Variants in ZDHHC14 observed in about 807,000 individuals in gnomAD.
ZDHHC14 encodes the protein palmitoyltransferase ZDHHC14.
Under a neutral mutation model 47.7 loss-of-function variants are expected in ZDHHC14, and 16 were observed. The ratio of observed to expected loss-of-function variants is 0.34; its 90% confidence interval spans 0.23 to 0.51. ZDHHC14 has a LOEUF of 0.51. Ranked by LOEUF, ZDHHC14 falls within the 20% of genes least tolerant of loss-of-function variation. The pLI is 0.97. For missense variants in ZDHHC14, 515 were observed against 662.5 expected (o/e 0.78, Z 2.44); for synonymous variants, 293 against 278.9 (o/e 1.05, Z -0.50).
At chr6:157,604,853 G>T (rs546669943) in intron 3 of ZDHHC14, among the ~76,000 whole-genome samples, 1 of 152,314 alleles carries the variant, frequency 6.6e-6, no homozygotes, top group South Asian at 2.1e-4. Context: ...CCTACACAGT[G>T]CCTTGCTAGG....
At chr6:157,503,389 C>T (rs1780232361) in intron 1 of ZDHHC14, among the ~76,000 whole-genome samples, 1 of 152,190 alleles carries the variant, frequency 6.6e-6, no homozygotes, top group African/African-American at 2.4e-5. Context: ...TGTCTTTAGA[C>T]AGATTTGGCT....
intron 2 of ZDHHC14, among the ~76,000 whole-genome samples, chr6:157,553,766 G>T (rs1450094543): frequency 6.6e-6 from 1 of 152,144 alleles, no homozygotes; most frequent in Non-Finnish European, 1.5e-5. Flanking sequence ...TGGTAGATAA[G>T]TTCTGAGATT....
intron 2 of ZDHHC14, among the ~76,000 whole-genome samples, chr6:157,562,030 A>G (rs376882924): frequency 1.3e-5 from 2 of 152,162 alleles, no homozygotes; most frequent in Non-Finnish European, 2.9e-5. Context: ...TGTTTATAAC[A>G]TATAAACAAA....
At chr6:157,547,908 A>G (rs1228164623) in intron 2 of ZDHHC14, among the ~76,000 whole-genome samples, 1 of 150,762 alleles carries the variant, frequency 6.6e-6, no homozygotes, top group Non-Finnish European at 1.5e-5. Flanking sequence ...GGCAGTATTA[A>G]TTTCATTTTC....
intron 1 of ZDHHC14, among the ~76,000 whole-genome samples, chr6:157,506,056 G>A (rs770937226): frequency 3.3e-5 from 5 of 152,204 alleles, no homozygotes; most frequent in African/African-American, 7.2e-5. Flanking sequence ...CTGATCATCC[G>A]TGGGAAAACA....
chr6:157,430,553 A>T (rs1778318866), intron 1 of ZDHHC14, among the ~76,000 whole-genome samples: 2 of 152,074 alleles, frequency 1.3e-5, no homozygotes, highest in Admixed American at 6.5e-5. Flanking sequence ...GGTCCTTCTC[A>T]CACTGCCATC....
At chr6:157,595,939 TG>T (rs1784110773) in intron 3 of ZDHHC14, among the ~76,000 whole-genome samples, 1 of 152,096 alleles carries the variant, frequency 6.6e-6, no homozygotes, top group African/African-American at 2.4e-5. Flanking sequence ...TGGGGAAGTT[TG>T]GGGCAGGATC....
chr6:157,614,912 A>G (rs1465437173), intron 3 of ZDHHC14, among the ~76,000 whole-genome samples: 3 of 151,998 alleles, frequency 2.0e-5, no homozygotes, highest in East Asian at 3.9e-4. Flanking sequence ...CTGGGATTAC[A>G]GGTGCCCGCC....
intron 1 of ZDHHC14, among the ~76,000 whole-genome samples, chr6:157,385,176 C>A (rs1175580935): frequency 2.0e-5 from 3 of 151,958 alleles, no homozygotes; most frequent in Non-Finnish European, 4.4e-5. Flanking sequence ...GTAGCCTTGA[C>A]CGCCGAGGCT....
intron 2 of ZDHHC14, among the ~76,000 whole-genome samples, chr6:157,545,402 C>T (rs991148200): frequency 1.3e-4 from 20 of 151,290 alleles, no homozygotes; most frequent in Admixed American, 5.9e-4. Context: ...GGAGGCCGGG[C>T]GCAGTGGCTC....
intron 1 of ZDHHC14, among the ~76,000 whole-genome samples, chr6:157,440,103 C>A (rs1280216238): frequency 1.3e-5 from 2 of 151,988 alleles, no homozygotes. Flanking sequence ...AGCAAATCAT[C>A]ATGGCACACG....
At chr6:157,589,516 C>A (rs1277166276) in intron 2 of ZDHHC14, among the ~76,000 whole-genome samples, 1 of 152,126 alleles carries the variant, frequency 6.6e-6, no homozygotes, top group Non-Finnish European at 1.5e-5. Flanking sequence ...GGGGTGGTTA[C>A]CTCCATGCTA....
chr6:157,667,686 G>A (rs546858875), intron 8 of ZDHHC14, among the ~76,000 whole-genome samples: 63 of 152,100 alleles, frequency 4.1e-4, no homozygotes, highest in Non-Finnish European at 7.2e-4. Context: ...GAAAATACTG[G>A]CCATTTTCCC....
At chr6:157,589,931 G>A (rs1366665793) in intron 2 of ZDHHC14, among the ~76,000 whole-genome samples, 1 of 152,226 alleles carries the variant, frequency 6.6e-6, no homozygotes, top group East Asian at 1.9e-4. Flanking sequence ...AATGCTGATA[G>A]TGATGTGTAC....
chr6:157,672,659 CTGTCCCT>C, intron 8 of ZDHHC14, 58 bp from the exon 9 acceptor site: 2 of 1,342,364 alleles, frequency 1.5e-6, no homozygotes, highest in Non-Finnish European at 1.0e-6. Context: ...GTCCCCATCC[CTGTCCCT>C]CCCCACCTCT....
At chr6:157,556,560 C>T (rs1782472305) in intron 2 of ZDHHC14, among the ~76,000 whole-genome samples, 1 of 152,242 alleles carries the variant, frequency 6.6e-6, no homozygotes, top group South Asian at 2.1e-4. Context: ...CTGTCGCCAG[C>T]AGGCGGAACG....
chr6:157,416,981 T>G (rs866178212), intron 1 of ZDHHC14, among the ~76,000 whole-genome samples: 26 of 107,700 alleles, frequency 2.4e-4, no homozygotes, highest in African/African-American at 8.0e-4. Context: ...AGTTTTTTTT[T>G]TTTTTTTTTT....
chr6:157,473,712 C>G (rs996043492), intron 1 of ZDHHC14, among the ~76,000 whole-genome samples: 3 of 152,130 alleles, frequency 2.0e-5, no homozygotes, highest in Admixed American at 2.0e-4. Context: ...AAATTTCACA[C>G]GTAACCTCAT....
Position 157,634,794 on chromosome 6 carries a change from C to T in ZDHHC14, c.752+1912C>T, listed in dbSNP as rs151106080. Among the ~76,000 whole-genome samples the T allele has an allele frequency of 3.3e-3, 496 of 152,356 alleles. 3 individuals carry two copies. Among genetic ancestry groups the T allele is most frequent in the African/African-American group, 0.011 (452 of 41,578 alleles). ...TGGTGCATGTTTCAGACACAAATAT[C>T]CAACACAGGAGTGCCTCTCGGCTGG... On this transcript the variant is annotated intron_variant, in intron 5 of 8. Coordinates refer to ENST00000359775, the MANE Select transcript of ZDHHC14 (RefSeq NM_024630.3).
Sources: allele counts gnomAD v4.1 joint callset (sites outside exome capture counted in the v4.1 genomes callset), GRCh38; gene constraint gnomAD v4.1.1; transcripts MANE v1.5; gene names NCBI Gene and HGNC (gene_info 2026-07-23, HGNC 2026-07-21).